Variants in DSC3 observed in about 807,000 individuals in gnomAD.
DSC3 encodes the protein desmocollin-3.
In DSC3, 97 loss-of-function variants were observed where a neutral mutation model predicts 89.5. That is an observed-to-expected ratio of 1.08 (90% CI 0.92 to 1.28). The LOEUF (loss-of-function observed/expected upper bound fraction) is 1.28, where lower values mean the gene tolerates loss of function less well. DSC3 is among the 50% of genes most tolerant of loss of function. DSC3 has a pLI of 0.00. For synonymous variants in DSC3, 436 were observed against 384.1 expected (o/e 1.14, Z -1.58); for missense variants, 1,199 against 1,085.3 (o/e 1.10, Z -1.47).
In DSC3 at chr18:31,024,480, G is replaced by C; in HGVS notation, c.644C>G (p.Ala215Gly). ...TGCTGAATATCCATCTGCAGTTGACGCATAAGCAATCAACTGCAAAATAGC... is the reference window on the plus strand; with the variant it reads ...TGCTGAATATCCATCTGCAGTTGACCCATAAGCAATCAACTGCAAAATAGC... ...EYDVFDLIAY[A>G]STADGYSADL... The change falls in exon 6 of 16, where the codon GCG becomes GGG. Residue 215 changes from alanine to glycine, a missense_variant. Ala to Gly is a moderately conservative substitution (Grantham distance 60, BLOSUM62 0). Transcript: ENST00000360428. 1 of 1,612,570 alleles carries C rather than the reference G, an allele frequency of 6.2e-7. No individual in the cohort carries two copies. Among genetic ancestry groups the C allele is most frequent in the Non-Finnish European group, 8.5e-7 (1 of 1,179,284 alleles).
At position 31,001,089 on chromosome 18, in the gene DSC3, G is replaced by GTGTATATATATATA. The variant is rs141615987; in HGVS notation, c.2235+528_2235+529insTATATATATATACA. The stretch of plus-strand genomic sequence containing the variant: ...GTGTTTATATATACTTTGTGTGTGT[G>GTGTATATATATATA]TATATATATATATATATATATATAC... On this transcript the variant is annotated intron_variant, in intron 14 of 15. Transcript: ENST00000360428. Among the ~76,000 whole-genome samples, 819 of 125,882 alleles carry GTGTATATATATATA rather than the reference G, an allele frequency of 6.5e-3. 17 individuals are homozygous for GTGTATATATATATA. The highest frequency in any genetic ancestry group is 0.034 in the East Asian group (113 of 3,304). 82.6% of individuals were successfully genotyped at this position (125,882 alleles called of 152,430 possible). A position where few individuals can be genotyped will look rare whatever the true frequency, so the allele number is the denominator to read the frequency against.
At position 30,990,257 on chromosome 18, in the gene DSC3, G is replaced by A. The variant is rs1984189440; in HGVS notation, c.*3918C>T. On this transcript the variant is annotated 3_prime_UTR_variant, in exon 16 of 16. Transcript: ENST00000360428. ...GAGAGGAAATAAGTAGCCTTTCAAA[G>A]GTCACACAGAAGTAAGTGACAGATC... 6.6e-6 allele frequency: 1 copy of A among 152,086 alleles called. No homozygotes were observed. Among genetic ancestry groups the A allele is most frequent in the Non-Finnish European group, 1.5e-5 (1 of 68,002 alleles). The allele number at this position is 152,086 out of a possible 1,614,324, so 9.4% of individuals were successfully genotyped here.
At chr18:31,036,891 C>G (rs561262149) in intron 1 of DSC3, among the ~76,000 whole-genome samples, 21 of 145,380 alleles carry the variant, frequency 1.4e-4, no homozygotes, top group African/African-American at 5.3e-4. Flanking sequence ...CTCCTAGGTT[C>G]AAGCAATTCT....
chr18:31,008,309 TATA>T lies in DSC3; in HGVS notation c.1477_1479del (p.Tyr493del), dbSNP rs1567952743. 1 of 1,614,138 alleles carries T rather than the reference TATA, an allele frequency of 6.2e-7. No homozygotes were observed. The highest frequency in any genetic ancestry group is 8.5e-7 in the Non-Finnish European group (1 of 1,180,012). ...TTTCTATTTTCGGGGTCATATGCCT[TATA>T]GCCGTTGATCTTTGACCCCACTGCT... On this transcript the variant is annotated inframe_deletion, in exon 10 of 16. Coordinates refer to ENST00000360428, the MANE Select transcript of DSC3 (RefSeq NM_001941.5).
intron 4 of DSC3, among the ~76,000 whole-genome samples, chr18:31,027,536 G>A (rs1306476794): frequency 1.4e-5 from 2 of 143,342 alleles, no homozygotes; most frequent in African/African-American, 5.1e-5. Context: ...TGTACTACTA[G>A]ATATTCGCCA....
At chr18:31,039,682 C>T (rs1446238477) in intron 1 of DSC3, among the ~76,000 whole-genome samples, 1 of 152,078 alleles carries the variant, frequency 6.6e-6, no homozygotes, top group Non-Finnish European at 1.5e-5. Context: ...AACTACAGGT[C>T]ACCACAGATA....
chr18:31,042,667 G>T lies in DSC3; in HGVS notation c.-7C>A. 2 of 1,548,640 alleles carry T rather than the reference G, an allele frequency of 1.3e-6. No individual in the cohort carries two copies. Among genetic ancestry groups the T allele is most frequent in the South Asian group, 2.4e-5 (2 of 83,948 alleles). Reference sequence around the variant, plus strand: ...GGGGCCCAGCGGCGGCCATCGGGATGCCGGGCAGGGCCAGGAGAACGCGGG... The same window carrying T: ...GGGGCCCAGCGGCGGCCATCGGGATTCCGGGCAGGGCCAGGAGAACGCGGG... On this transcript the variant is annotated 5_prime_UTR_variant, in exon 1 of 16. Coordinates refer to ENST00000360428, the MANE Select transcript of DSC3 (RefSeq NM_001941.5).
intron 7 of DSC3, 143 bp downstream of exon 7, chr18:31,022,193 A>C: frequency 3.0e-6 from 3 of 1,015,996 alleles, no homozygotes; most frequent in Non-Finnish European, 4.2e-6. Flanking sequence ...AATATAAAAA[A>C]CAGAAAAAAT....
At chr18:31,003,775 C>T (rs534314938) in intron 13 of DSC3, among the ~76,000 whole-genome samples, 5 of 152,190 alleles carry the variant, frequency 3.3e-5, no homozygotes, top group African/African-American at 9.6e-5. Flanking sequence ...TGTGGCTGGA[C>T]GGTAAGAAGA....
intron 2 of DSC3, among the ~76,000 whole-genome samples, chr18:31,031,729 G>C (rs1436569638): frequency 6.6e-6 from 1 of 152,108 alleles, no homozygotes; most frequent in Non-Finnish European, 1.5e-5. Flanking sequence ...GCTTTCCAAG[G>C]CCGCACACTG....
intron 3 of DSC3, among the ~76,000 whole-genome samples, chr18:31,030,493 A>T (rs1380497309): frequency 6.6e-6 from 1 of 152,196 alleles, no homozygotes; most frequent in Non-Finnish European, 1.5e-5. Flanking sequence ...GCAGTAAAAA[A>T]ATTCTGAGTT....
At chr18:30,997,273 A>T (rs1289768999) in intron 14 of DSC3, among the ~76,000 whole-genome samples, 8 of 152,140 alleles carry the variant, frequency 5.3e-5, no homozygotes, top group Admixed American at 2.6e-4. Flanking sequence ...AAGAACAGAG[A>T]TTTATTTCTT....
intron 1 of DSC3, among the ~76,000 whole-genome samples, chr18:31,039,195 C>T (rs1369134312): frequency 7.9e-5 from 12 of 152,020 alleles, no homozygotes; most frequent in Admixed American, 7.9e-4. Flanking sequence ...TTTTATAGTA[C>T]TAAGCAAATT....
chr18:31,033,898 C>T (rs1985884803), intron 1 of DSC3, among the ~76,000 whole-genome samples: 1 of 152,114 alleles, frequency 6.6e-6, no homozygotes, highest in South Asian at 2.1e-4. Flanking sequence ...ATCTAGGCTC[C>T]CTGCAAGCTC....
In DSC3 at chr18:30,992,330, A is replaced by C. The variant is rs1474006644; in HGVS notation, c.*1845T>G. On this transcript the variant is annotated 3_prime_UTR_variant, in exon 16 of 16. Transcript: ENST00000360428. ...CCAGAAGGAGGGCTGCAGAAGGAAT[A>C]CAACAATTCCCATGAATGCCTTGTT... is the stretch of plus-strand genomic sequence containing the variant. 1.3e-5 allele frequency: 2 copies of C among 152,194 alleles called. No individual in the cohort carries two copies. The highest frequency in any genetic ancestry group is 4.8e-5 in the African/African-American group (2 of 41,464). The allele number at this position is 152,194 out of a possible 1,614,324, so 9.4% of individuals were successfully genotyped here. A position where few individuals can be genotyped will look rare whatever the true frequency, so the allele number is the denominator to read the frequency against.
In DSC3 at chr18:30,994,141, T is replaced by A. The variant is rs1430103113; in HGVS notation, c.*34A>T. 2.5e-6 allele frequency: 4 copies of A among 1,596,654 alleles called. No homozygotes were observed. ...ATATTATTTTTGGAAACCTCCAGAA[T>A]GTCTGACAAAGACCTAATTGTAGCA... On this transcript the variant is annotated 3_prime_UTR_variant, in exon 16 of 16. Coordinates refer to ENST00000360428, the MANE Select transcript of DSC3 (RefSeq NM_001941.5).
intron 12 of DSC3, among the ~76,000 whole-genome samples, chr18:31,005,204 C>T (rs923852204): frequency 2.0e-5 from 3 of 152,156 alleles, no homozygotes; most frequent in African/African-American, 7.2e-5. Flanking sequence ...ATATGAATTA[C>T]CACTTGGGTT....
Position 30,996,882 on chromosome 18 carries a change from A to C in DSC3, c.2402T>G (p.Leu801Arg), listed in dbSNP as rs745421266. Reference protein sequence around the residue: ...SCRGAGHHHTLDSCRGGHTEV... With the variant: ...SCRGAGHHHTRDSCRGGHTEV... ...CGTGTGTCCTCCCCTGCAGGAGTCC[A>C]GGGTATGATGATGCCCAGCCCCCCG... The change falls in exon 15 of 16, where the codon CTG becomes CGG. Residue 801 changes from leucine to arginine, a missense_variant. Coordinates refer to ENST00000360428, the MANE Select transcript of DSC3 (RefSeq NM_001941.5). 4 of 1,613,580 alleles carry C rather than the reference A, an allele frequency of 2.5e-6. No individual in the cohort carries two copies. The highest frequency in any genetic ancestry group is 2.2e-5 in the South Asian group (2 of 91,038).
intron 15 of DSC3, among the ~76,000 whole-genome samples, chr18:30,994,687 G>A (rs1464171411): frequency 1.3e-5 from 2 of 152,140 alleles, no homozygotes; most frequent in Non-Finnish European, 2.9e-5. Flanking sequence ...CTAAAAAATA[G>A]AGACAATAGT....
Sources: allele counts gnomAD v4.1 joint callset (sites outside exome capture counted in the v4.1 genomes callset), GRCh38; gene constraint gnomAD v4.1.1; transcripts MANE v1.5; gene names NCBI Gene and HGNC (gene_info 2026-07-23, HGNC 2026-07-21).